The following AGMO variants were observed in gnomAD, a reference collection of about 807,000 sequenced individuals.
The protein encoded by AGMO is alkylglycerol monooxygenase, also known as glyceryl-ether monooxygenase.
In AGMO, 75 loss-of-function variants were observed where a neutral mutation model predicts 60.2. The ratio of observed to expected loss-of-function variants is 1.25; its 90% CI spans 1.03 to 1.51. The LOEUF (loss-of-function observed/expected upper bound fraction) is 1.51, where lower values mean the gene tolerates loss of function less well. Among genes scored for constraint, AGMO ranks in the 40% most tolerant of loss-of-function variants. The pLI is 0.00. For synonymous variants in AGMO, 261 were observed against 177.1 expected (o/e 1.47, Z -3.76); for missense variants, 763 against 525.5 (o/e 1.45, Z -4.42).
chr7:15,493,714 G>C (rs1783140049), intron 3 of AGMO, among the ~76,000 whole-genome samples: 1 of 152,056 alleles, frequency 6.6e-6, no homozygotes, highest in African/African-American at 2.4e-5. Flanking sequence ...ATATCTTAGA[G>C]GCCTCATGCC....
intron 3 of AGMO, among the ~76,000 whole-genome samples, chr7:15,533,165 G>T (rs1282003901): frequency 6.6e-6 from 1 of 152,068 alleles, no homozygotes; most frequent in African/African-American, 2.4e-5. Context: ...TCACTAAAAA[G>T]ATACTTGGTA....
At chr7:15,226,270 A>T (rs896603270) in intron 12 of AGMO, among the ~76,000 whole-genome samples, 1 of 152,098 alleles carries the variant, frequency 6.6e-6, no homozygotes, top group Non-Finnish European at 1.5e-5. Context: ...TATCTAAATC[A>T]GACCAATGCA....
chr7:15,499,273 T>A (rs1195135132), intron 3 of AGMO, among the ~76,000 whole-genome samples: 2 of 151,836 alleles, frequency 1.3e-5, no homozygotes, highest in Non-Finnish European at 2.9e-5. Flanking sequence ...GATGTTTTTT[T>A]AAAAAACAAA....
In AGMO at chr7:15,201,635, A is replaced by T. The variant is rs567779486; in HGVS notation, c.1264-276T>A. Among the ~76,000 whole-genome samples, 30 of 152,284 alleles carry T rather than the reference A, an allele frequency of 2.0e-4. No homozygotes were observed. The South Asian group carries it at 6.2e-3, about 32-fold the overall frequency. ...GTCATTTCAAGGAATGAGGCTAGAC[A>T]AGTTAGATATTCAGACATTTCTTCT... On this transcript the variant is annotated intron_variant, in intron 12 of 12. Transcript: ENST00000342526.
At chr7:15,282,630 G>A (rs1401713287) in intron 12 of AGMO, among the ~76,000 whole-genome samples, 1 of 152,158 alleles carries the variant, frequency 6.6e-6, no homozygotes, top group African/African-American at 2.4e-5. Flanking sequence ...AATTGGTGAG[G>A]GAGAAGAGAA....
At chr7:15,232,488 A>C (rs1255402492) in intron 12 of AGMO, among the ~76,000 whole-genome samples, 5 of 152,202 alleles carry the variant, frequency 3.3e-5, no homozygotes. Flanking sequence ...CGGCATAAAA[A>C]TGTGAGCCTT....
At chr7:15,381,662 C>T (rs540281739) in intron 10 of AGMO, among the ~76,000 whole-genome samples, 4 of 152,124 alleles carry the variant, frequency 2.6e-5, no homozygotes, top group Non-Finnish European at 5.9e-5. Flanking sequence ...CCAGCAATCC[C>T]ATTACTAGGT....
At chr7:15,332,892 A>G (rs1781540969) in intron 12 of AGMO, among the ~76,000 whole-genome samples, 1 of 152,178 alleles carries the variant, frequency 6.6e-6, no homozygotes, top group Admixed American at 6.6e-5. Context: ...TAATATCAGT[A>G]TATTGCATTA....
chr7:15,219,285 A>G (rs1165643579), intron 12 of AGMO, among the ~76,000 whole-genome samples: 3 of 152,222 alleles, frequency 2.0e-5, no homozygotes, highest in Non-Finnish European at 4.4e-5. Flanking sequence ...GACATCTAAT[A>G]TAATCTAGAC....
intron 3 of AGMO, among the ~76,000 whole-genome samples, chr7:15,476,710 T>C (rs1050369246): frequency 6.6e-6 from 1 of 152,130 alleles, no homozygotes; most frequent in Non-Finnish European, 1.5e-5. Context: ...CGTTAGATTA[T>C]GTCGGCTGGA....
At chr7:15,338,143 G>A (rs1184251488) in intron 12 of AGMO, among the ~76,000 whole-genome samples, 1 of 152,030 alleles carries the variant, frequency 6.6e-6, no homozygotes, top group South Asian at 2.1e-4. Flanking sequence ...TTTTCTCTGT[G>A]TAATATTATA....
chr7:15,301,085 T>C (rs1484649553), intron 12 of AGMO, among the ~76,000 whole-genome samples: 1 of 152,166 alleles, frequency 6.6e-6, no homozygotes, highest in Non-Finnish European at 1.5e-5. Flanking sequence ...TATATTTATA[T>C]TATTTCAGTG....
At chr7:15,262,095 C>A (rs1783290067) in intron 12 of AGMO, among the ~76,000 whole-genome samples, 1 of 151,926 alleles carries the variant, frequency 6.6e-6, no homozygotes, top group Non-Finnish European at 1.5e-5. Context: ...TCCATTGTCA[C>A]TACTTTTATT....
intron 12 of AGMO, among the ~76,000 whole-genome samples, chr7:15,211,283 T>G (rs1050525658): frequency 3.3e-5 from 5 of 152,004 alleles, no homozygotes; most frequent in Admixed American, 3.3e-4. Flanking sequence ...TATTCTTGCT[T>G]AAAAGACTCA....
At chr7:15,136,070 T>C in the AGMO span, among the ~76,000 whole-genome samples, 1 of 150,518 alleles carries the variant, frequency 6.6e-6, no homozygotes, top group Non-Finnish European at 1.5e-5. Flanking sequence ...CTCAGTTTAC[T>C]GCAACCTCTG....
At chr7:15,494,492 C>T (rs1783168292) in intron 3 of AGMO, among the ~76,000 whole-genome samples, 1 of 152,142 alleles carries the variant, frequency 6.6e-6, no homozygotes, top group African/African-American at 2.4e-5. Context: ...ATACTAATTA[C>T]TATGTGTCGG....
intron 12 of AGMO, among the ~76,000 whole-genome samples, chr7:15,294,252 C>G (rs1270371637): frequency 6.6e-6 from 1 of 151,848 alleles, no homozygotes; most frequent in Non-Finnish European, 1.5e-5. Flanking sequence ...ACATATAATA[C>G]AAACCCACAA....
intron 12 of AGMO, among the ~76,000 whole-genome samples, chr7:15,256,792 T>G (rs955674087): frequency 6.6e-6 from 1 of 152,148 alleles, no homozygotes; most frequent in Non-Finnish European, 1.5e-5. Flanking sequence ...GCCAGGTGTG[T>G]AGTAGGCTAT....
At chr7:15,319,903 G>C (rs1238898763) in intron 12 of AGMO, among the ~76,000 whole-genome samples, 1 of 152,058 alleles carries the variant, frequency 6.6e-6, no homozygotes, top group Non-Finnish European at 1.5e-5. Flanking sequence ...TATCTAGATA[G>C]TATAAAACTA....
Sources: gnomAD v4.1 joint callset for allele counts (sites outside exome capture counted in the v4.1 genomes callset) on GRCh38, gnomAD v4.1.1 for gene constraint, MANE v1.5 for transcripts, NCBI Gene and HGNC (gene_info 2026-07-23, HGNC 2026-07-21) for gene names.